Variants in CLNK observed in about 807,000 individuals in gnomAD.
The protein encoded by CLNK is cytokine dependent hematopoietic cell linker, also known as cytokine-dependent hematopoietic cell linker.
A neutral mutation model predicts 68.6 loss-of-function variants in CLNK; 74 were observed. That is an observed-to-expected ratio of 1.08 (90% CI 0.89 to 1.31). The LOEUF is 1.31. Ranked by LOEUF, CLNK falls within the 50% of genes most tolerant of loss-of-function variation. The pLI, the probability that CLNK is intolerant of heterozygous loss-of-function variation, is 0.00. For synonymous variants in CLNK, 198 were observed against 172.2 expected (o/e 1.15, Z -1.17); for missense variants, 553 against 515.3 (o/e 1.07, Z -0.71).
intron 2 of CLNK, among the ~76,000 whole-genome samples, chr4:10,614,111 C>T (rs997145183): frequency 6.6e-6 from 1 of 152,172 alleles, no homozygotes; most frequent in Non-Finnish European, 1.5e-5. Context: ...ATTATTTGGG[C>T]TCTGAGAGTC....
At chr4:10,588,607 C>T (rs1237735458) in intron 3 of CLNK, among the ~76,000 whole-genome samples, 4 of 152,146 alleles carry the variant, frequency 2.6e-5, no homozygotes, top group Non-Finnish European at 4.4e-5. Flanking sequence ...GTCTGTTCAA[C>T]CCATTTACAT....
the CLNK span, among the ~76,000 whole-genome samples, chr4:10,699,278 C>CGTATGTGTGTGTATACA: frequency 9.9e-6 from 1 of 101,056 alleles, no homozygotes; most frequent in African/African-American, 4.0e-5. Flanking sequence ...CACACACACA[C>CGTATGTGTGTGTATACA]CACATACGTG....
chr4:10,552,454 A>G (rs965524535), intron 8 of CLNK, among the ~76,000 whole-genome samples: 15 of 152,062 alleles, frequency 9.9e-5, no homozygotes, highest in East Asian at 1.9e-4. Context: ...TAACACCACT[A>G]TTGTAGATCG....
chr4:10,668,411 C>T (rs1724493898), intron 1 of CLNK, among the ~76,000 whole-genome samples: 1 of 152,102 alleles, frequency 6.6e-6, no homozygotes, highest in African/African-American at 2.4e-5. Context: ...TGTTATTTAC[C>T]ATATAAATTA....
At chr4:10,584,397 C>A (rs1338887439) in intron 4 of CLNK, among the ~76,000 whole-genome samples, 2 of 152,108 alleles carry the variant, frequency 1.3e-5, no homozygotes, top group African/African-American at 4.8e-5. Flanking sequence ...TGGGACTTTC[C>A]CTGAAATAAT....
chr4:10,711,160 G>T, the CLNK span, among the ~76,000 whole-genome samples: 2 of 152,200 alleles, frequency 1.3e-5, no homozygotes, highest in Admixed American at 1.3e-4. Context: ...AAAGTTATGC[G>T]CTGGTGGCCA....
chr4:10,731,281 A>T, the CLNK span, among the ~76,000 whole-genome samples: 1 of 152,240 alleles, frequency 6.6e-6, no homozygotes, highest in Non-Finnish European at 1.5e-5. Context: ...ATCAACAAAA[A>T]CTTCAAATGA....
chr4:10,561,062 A>G lies in CLNK; in HGVS notation c.400-2610T>C, dbSNP rs116443291. ...CAGGCATGCTCCACCACGACCAGCTATTTTTTTTTTAATTTTTTTTTAGAG... is the reference window on the plus strand; with the variant it reads ...CAGGCATGCTCCACCACGACCAGCTGTTTTTTTTTTAATTTTTTTTTAGAG... On this transcript the variant is annotated intron_variant, in intron 7 of 18. Coordinates refer to ENST00000226951, the MANE Select transcript of CLNK (RefSeq NM_052964.4). 7.4e-3 allele frequency among the ~76,000 whole-genome samples: 1,103 copies of G among 149,384 alleles called. 13 individuals carry two copies. Among genetic ancestry groups the G allele is most frequent in the African/African-American group, 0.024 (989 of 40,616 alleles).
chr4:10,683,587 C>T (rs138579813), intron 1 of CLNK, among the ~76,000 whole-genome samples: 1 of 152,302 alleles, frequency 6.6e-6, no homozygotes. Flanking sequence ...AAGTTCTTCA[C>T]CTGTAAACCA....
At chr4:10,709,745 T>A in the CLNK span, among the ~76,000 whole-genome samples, 1 of 152,160 alleles carries the variant, frequency 6.6e-6, no homozygotes, top group Non-Finnish European at 1.5e-5. Context: ...TTAGCTCACT[T>A]AGAACCCTGT....
the CLNK span, among the ~76,000 whole-genome samples, chr4:10,709,629 C>T: frequency 3.7e-3 from 569 of 152,242 alleles, 2 homozygotes; most frequent in Middle Eastern, 0.01. Flanking sequence ...ATTCCATTTC[C>T]CTCCTTTGAA....
At chr4:10,694,057 G>A in the CLNK span, among the ~76,000 whole-genome samples, 17 of 152,090 alleles carry the variant, frequency 1.1e-4, no homozygotes, top group Admixed American at 2.6e-4. Flanking sequence ...CTTCTTCAGC[G>A]TTTGCTATTG....
intron 2 of CLNK, among the ~76,000 whole-genome samples, chr4:10,611,491 A>C: frequency 1.9e-5 from 1 of 53,758 alleles, no homozygotes; most frequent in African/African-American, 5.4e-5. Flanking sequence ...AGGGAGGCTA[A>C]GTCTGAAAAA....
At chr4:10,664,657 A>G (rs1329314428) in intron 2 of CLNK, among the ~76,000 whole-genome samples, 2 of 152,228 alleles carry the variant, frequency 1.3e-5, no homozygotes, top group African/African-American at 2.4e-5. Flanking sequence ...CCGACTCAGC[A>G]TGCCTGGGCT....
At chr4:10,714,144 T>C in the CLNK span, among the ~76,000 whole-genome samples, 15 of 152,198 alleles carry the variant, frequency 9.9e-5, no homozygotes, top group Admixed American at 9.2e-4. Context: ...CTTCCCAGGC[T>C]GTGGCTTCCA....
In CLNK at chr4:10,490,499, G is replaced by C. The variant is rs775137183; in HGVS notation, c.1255C>G (p.Leu419Val). The change falls in exon 19 of 19, where the codon CTC becomes GTC. Residue 419 changes from leucine to valine, a missense_variant. Transcript: ENST00000226951. ...GGCAAGAGGTGTCTGGTGAGAGGGAGTGGCTGAGTGAGGTGACACTGTTTC... is the reference window on the plus strand; with the variant it reads ...GGCAAGAGGTGTCTGGTGAGAGGGACTGGCTGAGTGAGGTGACACTGTTTC... ...HRKQCHLTQPLPLTRHLLPL is the reference protein window; with the variant it reads ...HRKQCHLTQPVPLTRHLLPL The C allele has an allele frequency of 6.2e-6, 10 of 1,613,392 alleles. No homozygotes were observed. In the South Asian group the frequency reaches 1.1e-4, roughly 18 times the overall value.
the CLNK span, among the ~76,000 whole-genome samples, chr4:10,690,709 T>C: frequency 6.6e-6 from 1 of 152,184 alleles, no homozygotes; most frequent in Non-Finnish European, 1.5e-5. Context: ...TTAGTATCAT[T>C]ATCGCTGTTA....
At chr4:10,558,599 A>G in intron 7 of CLNK, 147 bp from the exon 8 acceptor site, 1 of 712,774 alleles carries the variant, frequency 1.4e-6, no homozygotes, top group Non-Finnish European at 2.5e-6. Context: ...GGCTGTCAAC[A>G]AACATGTATA....
chr4:10,522,568 C>A (rs1718123296), intron 14 of CLNK, among the ~76,000 whole-genome samples: 2 of 62,292 alleles, frequency 3.2e-5, no homozygotes, highest in African/African-American at 6.2e-5. Context: ...GAGTGAAACT[C>A]TCTCAAAAAA....
Sources: allele counts gnomAD v4.1 joint callset (sites outside exome capture counted in the v4.1 genomes callset), GRCh38; gene constraint gnomAD v4.1.1; transcripts MANE v1.5; gene names NCBI Gene and HGNC (gene_info 2026-07-23, HGNC 2026-07-21).